The following TC2N variants were observed in gnomAD, a reference collection of about 807,000 sequenced individuals.
The protein encoded by TC2N is tandem C2 domains, nuclear.
In TC2N, 51 loss-of-function variants were observed where a neutral mutation model predicts 61.9. The observed-to-expected ratio is 0.82, with a 90% CI of 0.66 to 1.04. TC2N has a LOEUF of 1.04. Among genes scored for constraint, TC2N ranks in the 50% least tolerant of loss-of-function variants. The pLI is 0.00. For synonymous variants in TC2N, 204 were observed against 192.6 expected, an observed-to-expected ratio of 1.06 and a Z score of -0.49; for missense variants, 556 against 566.7, an observed-to-expected ratio of 0.98 and a Z score of 0.19.
At chr14:91,846,044 G>C (rs952042136) in intron 1 of TC2N, among the ~76,000 whole-genome samples, 2 of 152,178 alleles carry the variant, frequency 1.3e-5, no homozygotes, top group Non-Finnish European at 2.9e-5. Flanking sequence ...CACTTCAGAG[G>C]TAGCTGGGGA....
rs117932609 is a variant in TC2N at position 91,833,920 on chromosome 14, G to T, written c.-56-20095C>A. Among the ~76,000 whole-genome samples the T allele has an allele frequency of 9.1e-3, 1,387 of 151,804 alleles. 9 individuals carry two copies. Among genetic ancestry groups the T allele is most frequent in the Non-Finnish European group, 0.015 (1,020 of 67,920 alleles). ...TAAAATGATTTGTCTGAACTCTTGA[G>T]CAACAAAAAAAAATCAAACTTTCAA... On this transcript the variant is annotated intron_variant, in intron 1 of 11. Transcript: ENST00000435962.
chr14:91,787,868 C>T (rs1169612164), intron 9 of TC2N, among the ~76,000 whole-genome samples: 1 of 151,918 alleles, frequency 6.6e-6, no homozygotes, highest in East Asian at 1.9e-4. Context: ...AAATCTGTGA[C>T]ACCTAGAGCC....
chr14:91,788,837 A>G (rs910056870), intron 9 of TC2N, among the ~76,000 whole-genome samples: 1 of 152,234 alleles, frequency 6.6e-6, no homozygotes, highest in Non-Finnish European at 1.5e-5. Flanking sequence ...GTCTAAATTG[A>G]TGATAAAACT....
intron 1 of TC2N, among the ~76,000 whole-genome samples, chr14:91,828,596 G>A (rs757592410): frequency 7.2e-5 from 11 of 151,922 alleles, no homozygotes; most frequent in Non-Finnish European, 1.5e-4. Context: ...GCTTATTTGA[G>A]TGAAATAGGT....
chr14:91,865,049 G>T (rs867714648), intron 1 of TC2N, among the ~76,000 whole-genome samples: 1 of 151,786 alleles, frequency 6.6e-6, no homozygotes, highest in Non-Finnish European at 1.5e-5. Flanking sequence ...CAGATTACAG[G>T]CATGAGCCCC....
chr14:91,792,591 T>C (rs1319104259), intron 8 of TC2N, 33 bp from the exon 9 acceptor site: 1 of 1,133,176 alleles, frequency 8.8e-7, no homozygotes. Flanking sequence ...ATAAAATATA[T>C]AAATAAAAGG....
chr14:91,779,816 TAAAAC>T lies in TC2N; in HGVS notation c.*3279_*3283del, dbSNP rs1037027128. The T allele has an allele frequency of 2.0e-5, 3 of 151,994 alleles. No homozygotes were observed. The highest frequency in any genetic ancestry group is 6.5e-5 in the Admixed American group (1 of 15,270). The allele number at this position is 151,994 out of a possible 1,614,324, so 9.4% of individuals were successfully genotyped here. On this transcript the variant is annotated 3_prime_UTR_variant, in exon 12 of 12. Transcript: ENST00000435962. Reference sequence around the variant, plus strand: ...CACATTTTTTATAGATTAAAAAACTTAAAACTAAAAAAGTACTAAGTTAAAAAAAA... The same window carrying T: ...CACATTTTTTATAGATTAAAAAACTTTAAAAAAGTACTAAGTTAAAAAAAA...
At chr14:91,846,164 C>T (rs1478668288) in intron 1 of TC2N, among the ~76,000 whole-genome samples, 3 of 152,098 alleles carry the variant, frequency 2.0e-5, no homozygotes, top group Non-Finnish European at 4.4e-5. Context: ...ACTGTCACAC[C>T]TGCATTAGGA....
chr14:91,798,423 G>T, intron 6 of TC2N, 24 bp from the exon 7 acceptor site: 2 of 1,294,252 alleles, frequency 1.5e-6, no homozygotes, highest in Non-Finnish European at 2.2e-6. Flanking sequence ...GGACAAAGAT[G>T]TTTCAAATGC....
intron 1 of TC2N, among the ~76,000 whole-genome samples, chr14:91,852,165 C>T (rs777956452): frequency 2.0e-5 from 3 of 152,236 alleles, no homozygotes; most frequent in Admixed American, 6.5e-5. Context: ...CGGTGGCTCA[C>T]GCCTGTAATC....
intron 1 of TC2N, among the ~76,000 whole-genome samples, chr14:91,815,617 C>T (rs935205230): frequency 6.6e-6 from 1 of 151,466 alleles, no homozygotes; most frequent in South Asian, 2.1e-4. Flanking sequence ...TAAACATATG[C>T]GAAGAAGTAT....
At chr14:91,795,046 G>A (rs1162944061) in intron 8 of TC2N, among the ~76,000 whole-genome samples, 2 of 152,016 alleles carry the variant, frequency 1.3e-5, no homozygotes, top group African/African-American at 4.8e-5. Context: ...TCAAAATTTC[G>A]GCAGAGGAAG....
intron 3 of TC2N, among the ~76,000 whole-genome samples, chr14:91,811,733 TAC>T (rs1886777360): frequency 6.6e-6 from 1 of 152,062 alleles, no homozygotes; most frequent in Admixed American, 6.6e-5. Flanking sequence ...GTATTCTAAT[TAC>T]AGTTATCCCT....
intron 1 of TC2N, among the ~76,000 whole-genome samples, chr14:91,839,916 TA>T (rs1326137222): frequency 2.0e-5 from 3 of 152,246 alleles, no homozygotes; most frequent in African/African-American, 7.2e-5. Context: ...GGCATGAAGC[TA>T]AACTGCTTTG....
intron 1 of TC2N, among the ~76,000 whole-genome samples, chr14:91,847,006 C>T (rs561487552): frequency 1.1e-3 from 174 of 152,282 alleles, no homozygotes; most frequent in African/African-American, 4.1e-3. Flanking sequence ...GCCTATAATC[C>T]CAACTCTTTG....
At chr14:91,807,373 C>T (rs145321405) in intron 3 of TC2N, among the ~76,000 whole-genome samples, 1 of 152,328 alleles carries the variant, frequency 6.6e-6, no homozygotes, top group African/African-American at 2.4e-5. Flanking sequence ...CACAGATACT[C>T]AACACCAGCC....
intron 9 of TC2N, among the ~76,000 whole-genome samples, chr14:91,789,047 A>G (rs957205157): frequency 5.3e-5 from 8 of 152,204 alleles, no homozygotes; most frequent in Admixed American, 4.6e-4. Context: ...CATACTGTTT[A>G]TAAAACACAA....
intron 1 of TC2N, among the ~76,000 whole-genome samples, chr14:91,855,143 G>A (rs796495713): frequency 7.9e-5 from 12 of 152,290 alleles, no homozygotes; most frequent in African/African-American, 2.9e-4. Flanking sequence ...GGAACCAGTG[G>A]AACGGCAGGG....
At chr14:91,825,764 A>T (rs9783646) in intron 1 of TC2N, among the ~76,000 whole-genome samples, 149,397 of 152,328 alleles carry the variant, frequency 0.98, 73,334 homozygotes, top group East Asian at 1. Context: ...GCCATATCTA[A>T]ATTAGCTTTA....
Sources: gnomAD v4.1 joint callset for allele counts (sites outside exome capture counted in the v4.1 genomes callset) on GRCh38, gnomAD v4.1.1 for gene constraint, MANE v1.5 for transcripts, NCBI Gene and HGNC (gene_info 2026-07-23, HGNC 2026-07-21) for gene names.